Variants in LIMCH1 observed in about 807,000 individuals in gnomAD.
The protein encoded by LIMCH1 is LIM and calponin homology domains-containing protein 1.
LIMCH1 carries 113 observed loss-of-function variants against 176.5 expected under a neutral mutation model. The observed-to-expected ratio is 0.64, with a 90% CI of 0.55 to 0.75. The LOEUF is 0.75. Ranked by LOEUF, LIMCH1 falls within the 30% of genes least tolerant of loss-of-function variation. LIMCH1 has a pLI of 0.00. For synonymous variants in LIMCH1, 619 were observed against 645.9 expected, an observed-to-expected ratio of 0.96 and a Z score of 0.63; for missense variants, 1,674 against 1,814.9, an observed-to-expected ratio of 0.92 and a Z score of 1.41.
In LIMCH1 at chr4:41,399,840, A is replaced by ATTTTTTTTTT. The variant is rs71198650; in HGVS notation, c.96+38910_96+38919dup. On this transcript the variant is annotated intron_variant, in intron 1 of 26. Coordinates refer to the LIMCH1 transcript ENST00000313860. ...GGGAGTGTGCCACCATGCCCGGCTA[A>ATTTTTTTTTT]TTTTTTTTTTTTTTTGTATTTTTAG... 3.1e-4 allele frequency among the ~76,000 whole-genome samples: 35 copies of ATTTTTTTTTT among 114,104 alleles called. 1 individual carries two copies. The highest frequency in any genetic ancestry group is 4.4e-3 in the Middle Eastern group (1 of 226). The allele number at this position is 114,104 out of a possible 152,430, so 74.9% of individuals were successfully genotyped here.
chr4:41,451,773 C>A (rs2063910360), intron 1 of LIMCH1, among the ~76,000 whole-genome samples: 1 of 152,248 alleles, frequency 6.6e-6, no homozygotes. Context: ...GTTAAAACCT[C>A]TACCTTCGGG....
chr4:41,570,543 T>C (rs2083402871), intron 1 of LIMCH1, among the ~76,000 whole-genome samples: 1 of 152,180 alleles, frequency 6.6e-6, no homozygotes, highest in African/African-American at 2.4e-5. Context: ...GAGGTGTTAA[T>C]TTTGAGGAAG....
chr4:41,370,678 G>A (rs1434156637), intron 1 of LIMCH1, among the ~76,000 whole-genome samples: 1 of 152,152 alleles, frequency 6.6e-6, no homozygotes, highest in Non-Finnish European at 1.5e-5. Context: ...GACAGAGTGT[G>A]ATAATAGTGA....
intron 1 of LIMCH1, among the ~76,000 whole-genome samples, chr4:41,556,918 A>C (rs113405657): frequency 1.3e-4 from 20 of 152,198 alleles, no homozygotes; most frequent in Admixed American, 3.3e-4. Context: ...TCTCCCCTGA[A>C]TAAGGGAAGG....
intron 1 of LIMCH1, among the ~76,000 whole-genome samples, chr4:41,432,043 G>A (rs1033384609): frequency 1.3e-5 from 2 of 152,168 alleles, no homozygotes; most frequent in Non-Finnish European, 2.9e-5. Context: ...AGAAATTTAG[G>A]CTAGGATGTT....
At chr4:41,589,387 G>C (rs553213601) in intron 1 of LIMCH1, among the ~76,000 whole-genome samples, 1 of 152,234 alleles carries the variant, frequency 6.6e-6, no homozygotes, top group South Asian at 2.1e-4. Flanking sequence ...GTGGTGGGTG[G>C]GGGAGAGCCT....
chr4:41,690,155 A>G (rs537410961), intron 30 of LIMCH1, among the ~76,000 whole-genome samples: 63 of 152,274 alleles, frequency 4.1e-4, no homozygotes, highest in African/African-American at 1.4e-3. Flanking sequence ...ACCCAGACTA[A>G]GTTATCTTTG....
intron 31 of LIMCH1, chr4:41,693,132 A>G (rs1391766803): frequency 6.6e-6 from 1 of 152,232 alleles, no homozygotes; most frequent in African/African-American, 2.4e-5. Context: ...CTCATTCTCC[A>G]TCATGAGTAC....
chr4:41,483,216 G>C (rs755819353), intron 1 of LIMCH1, among the ~76,000 whole-genome samples: 2 of 152,160 alleles, frequency 1.3e-5, no homozygotes, highest in Admixed American at 6.5e-5. Flanking sequence ...GTTCAGGAAG[G>C]AGAGAATGTA....
chr4:41,626,294 TC>T (rs1211551636), intron 7 of LIMCH1, among the ~76,000 whole-genome samples: 1 of 152,182 alleles, frequency 6.6e-6, no homozygotes, highest in Non-Finnish European at 1.5e-5. Flanking sequence ...CAGATCAGTT[TC>T]TTGGTGGCTC....
At chr4:41,692,527 A>G (rs1726921535) in intron 31 of LIMCH1, 143 bp downstream of exon 31, 5 of 590,594 alleles carry the variant, frequency 8.5e-6, no homozygotes, top group South Asian at 4.3e-5. Flanking sequence ...AGGTTAAAAA[A>G]GAAAAGATAT....
At chr4:41,455,259 A>G (rs1364747404) in intron 1 of LIMCH1, among the ~76,000 whole-genome samples, 1 of 152,228 alleles carries the variant, frequency 6.6e-6, no homozygotes, top group South Asian at 2.1e-4. Flanking sequence ...TAATGTATCA[A>G]ACAATATTGT....
chr4:41,559,667 G>A (rs369842563), intron 1 of LIMCH1, among the ~76,000 whole-genome samples: 3 of 152,072 alleles, frequency 2.0e-5, no homozygotes, highest in African/African-American at 4.8e-5. Context: ...CCTACTCTCA[G>A]GGTCACTAAC....
At chr4:41,521,847 C>T (rs2076153584) in intron 2 of LIMCH1, among the ~76,000 whole-genome samples, 1 of 151,970 alleles carries the variant, frequency 6.6e-6, no homozygotes, top group Non-Finnish European at 1.5e-5. Context: ...TTCCAATCTT[C>T]CCTTTATGTG....
chr4:41,581,555 C>A (rs2085441620), intron 1 of LIMCH1, among the ~76,000 whole-genome samples: 1 of 152,008 alleles, frequency 6.6e-6, no homozygotes, highest in Non-Finnish European at 1.5e-5. Flanking sequence ...ACCTGTAATC[C>A]CAGCACTTTG....
At chr4:41,414,084 C>A (rs1205356445) in intron 1 of LIMCH1, among the ~76,000 whole-genome samples, 4 of 152,174 alleles carry the variant, frequency 2.6e-5, no homozygotes, top group African/African-American at 9.7e-5. Flanking sequence ...TATTATAACT[C>A]ATTCTCCCAA....
intron 1 of LIMCH1, among the ~76,000 whole-genome samples, chr4:41,365,135 A>C (rs2052775656): frequency 6.6e-6 from 1 of 152,216 alleles, no homozygotes; most frequent in Non-Finnish European, 1.5e-5. Flanking sequence ...TGGAAATTTC[A>C]ACCCAACTCA....
At chr4:41,575,456 CT>C (rs1283572287) in intron 1 of LIMCH1, among the ~76,000 whole-genome samples, 2 of 152,126 alleles carry the variant, frequency 1.3e-5, no homozygotes, top group African/African-American at 4.8e-5. Context: ...TTTTCAAACA[CT>C]GTTTCATCAT....
At chr4:41,633,180 C>G in intron 12 of LIMCH1, 95 bp downstream of exon 12, 1 of 823,310 alleles carries the variant, frequency 1.2e-6, no homozygotes. Flanking sequence ...TCACAGTCTG[C>G]ACCTGGCGAC....
Sources: allele counts gnomAD v4.1 joint callset (sites outside exome capture counted in the v4.1 genomes callset), GRCh38; gene constraint gnomAD v4.1.1; transcripts MANE v1.5; gene names NCBI Gene and HGNC (gene_info 2026-07-23, HGNC 2026-07-21).